The following SLC1A2 variants were observed in gnomAD, a reference collection of about 807,000 sequenced individuals.
The protein encoded by SLC1A2 is excitatory amino acid transporter 2.
A neutral mutation model predicts 48.8 loss-of-function variants in SLC1A2; 15 were observed. The observed-to-expected ratio is 0.31, with a 90% CI of 0.21 to 0.47. The LOEUF (loss-of-function observed/expected upper bound fraction) is 0.47, where lower values mean the gene tolerates loss of function less well. Ranked by LOEUF, SLC1A2 falls within the 20% of genes least tolerant of loss-of-function variation. The pLI is 0.99. For synonymous variants in SLC1A2, 279 were observed against 272.6 expected, an observed-to-expected ratio of 1.02 and a Z score of -0.23; for missense variants, 502 against 730.5, an observed-to-expected ratio of 0.69 and a Z score of 3.61.
intron 1 of SLC1A2, among the ~76,000 whole-genome samples, chr11:35,329,896 G>A (rs1408451556): frequency 6.6e-6 from 1 of 152,124 alleles, no homozygotes; most frequent in Non-Finnish European, 1.5e-5. Context: ...ACAATGTACT[G>A]GATGCTTTAC....
At chr11:35,414,696 T>G (rs2135305867) in intron 1 of SLC1A2, among the ~76,000 whole-genome samples, 1 of 152,346 alleles carries the variant, frequency 6.6e-6, no homozygotes, top group African/African-American at 2.4e-5. Context: ...GTCTGGTGTT[T>G]GTTAGATGTT....
intron 4 of SLC1A2, among the ~76,000 whole-genome samples, chr11:35,308,770 G>A (rs1380287385): frequency 6.6e-6 from 1 of 152,148 alleles, no homozygotes; most frequent in African/African-American, 2.4e-5. Context: ...AGCATAGCAG[G>A]TGCTAATTCC....
intron 1 of SLC1A2, among the ~76,000 whole-genome samples, chr11:35,401,663 T>C (rs769667818): frequency 1.3e-5 from 2 of 152,200 alleles, no homozygotes; most frequent in Non-Finnish European, 2.9e-5. Context: ...ATTTTTTTAA[T>C]GTTTTATTTC....
chr11:35,296,849 A>G (rs1007062221), intron 6 of SLC1A2, among the ~76,000 whole-genome samples: 10 of 152,034 alleles, frequency 6.6e-5, no homozygotes, highest in African/African-American at 2.4e-4. Context: ...GGCACTTATT[A>G]CTATTCGAAT....
At chr11:35,412,717 C>A (rs920686751) in intron 1 of SLC1A2, among the ~76,000 whole-genome samples, 3 of 152,222 alleles carry the variant, frequency 2.0e-5, no homozygotes, top group African/African-American at 7.2e-5. Flanking sequence ...ACAGCCACAC[C>A]TGAAGGCTGC....
At chr11:35,341,598 C>G (rs183112218) in intron 1 of SLC1A2, among the ~76,000 whole-genome samples, 51 of 152,194 alleles carry the variant, frequency 3.4e-4, no homozygotes, top group Admixed American at 3.3e-3. Context: ...CAATTTTTGC[C>G]ATCAAATTGA....
intron 1 of SLC1A2, among the ~76,000 whole-genome samples, chr11:35,346,558 C>A (rs1161134446): frequency 1.3e-5 from 2 of 152,244 alleles, no homozygotes; most frequent in African/African-American, 4.8e-5. Context: ...GACCTATAAA[C>A]AAGAGTAACT....
At chr11:35,416,460 C>T (rs576937316) in intron 1 of SLC1A2, among the ~76,000 whole-genome samples, 26 of 152,282 alleles carry the variant, frequency 1.7e-4, no homozygotes, top group African/African-American at 2.6e-4. Flanking sequence ...ATGAGGTACA[C>T]GAATGAGCTT....
intron 1 of SLC1A2, among the ~76,000 whole-genome samples, chr11:35,326,219 A>G (rs1418030091): frequency 6.6e-6 from 1 of 152,148 alleles, no homozygotes; most frequent in African/African-American, 2.4e-5. Flanking sequence ...TCCGTGAAGG[A>G]TATCTTAGGA....
At chr11:35,365,460 C>A (rs530917548) in intron 1 of SLC1A2, among the ~76,000 whole-genome samples, 1 of 152,096 alleles carries the variant, frequency 6.6e-6, no homozygotes, top group South Asian at 2.1e-4. Context: ...GAATCCTTGT[C>A]GTAAAATCTG....
At chr11:35,363,816 T>C (rs1414899452) in intron 1 of SLC1A2, among the ~76,000 whole-genome samples, 1 of 152,180 alleles carries the variant, frequency 6.6e-6, no homozygotes, top group Non-Finnish European at 1.5e-5. Context: ...ATAGGTGTTT[T>C]GAACAGGAGG....
chr11:35,301,716 C>G (rs949042973), intron 5 of SLC1A2, 71 bp from the exon 6 acceptor site: 3 of 1,452,776 alleles, frequency 2.1e-6, no homozygotes, highest in Non-Finnish European at 2.9e-6. Context: ...CATTCTTTAC[C>G]ATTCCCAATG....
chr11:35,412,767 C>T (rs1223415629), intron 1 of SLC1A2, among the ~76,000 whole-genome samples: 1 of 152,196 alleles, frequency 6.6e-6, no homozygotes, highest in African/African-American at 2.4e-5. Context: ...ATAAGCTCAG[C>T]TACATTTGCC....
At chr11:35,331,514 C>G (rs1222325320) in intron 1 of SLC1A2, among the ~76,000 whole-genome samples, 2 of 152,206 alleles carry the variant, frequency 1.3e-5, no homozygotes, top group Non-Finnish European at 2.9e-5. Context: ...CCAGTCACCC[C>G]TGAAGGGTAA....
At chr11:35,351,186 G>A (rs1590217468) in intron 1 of SLC1A2, among the ~76,000 whole-genome samples, 1 of 152,224 alleles carries the variant, frequency 6.6e-6, no homozygotes, top group Non-Finnish European at 1.5e-5. Flanking sequence ...AGGTTTAGAG[G>A]ATTAGGTAGG....
At chr11:35,343,527 C>A (rs187830319) in intron 1 of SLC1A2, among the ~76,000 whole-genome samples, 1 of 152,172 alleles carries the variant, frequency 6.6e-6, no homozygotes, top group African/African-American at 2.4e-5. Flanking sequence ...CACACACACT[C>A]CCCTTTCTTG....
chr11:35,400,368 C>T (rs1223132456), intron 1 of SLC1A2, among the ~76,000 whole-genome samples: 2 of 152,196 alleles, frequency 1.3e-5, no homozygotes, highest in South Asian at 2.1e-4. Context: ...ACATTCACAA[C>T]ACATTGCTAA....
intron 8 of SLC1A2, chr11:35,281,873 T>G (rs1336938080): frequency 3.3e-5 from 5 of 152,180 alleles, no homozygotes. Context: ...CAAGAGTACT[T>G]TGGAAATATG....
intron 7 of SLC1A2, among the ~76,000 whole-genome samples, chr11:35,288,915 T>C (rs1850909215): frequency 6.6e-6 from 1 of 152,076 alleles, no homozygotes; most frequent in Non-Finnish European, 1.5e-5. Flanking sequence ...GGACAGGCTT[T>C]TTGTCTTAAA....
Sources: allele counts gnomAD v4.1 joint callset (sites outside exome capture counted in the v4.1 genomes callset), GRCh38; gene constraint gnomAD v4.1.1; transcripts MANE v1.5; gene names NCBI Gene and HGNC (gene_info 2026-07-23, HGNC 2026-07-21).